Variants in MAD1L1 observed in about 807,000 individuals in gnomAD.
MAD1L1 encodes mitotic spindle assembly checkpoint protein MAD1.
Under a neutral mutation model 96.9 loss-of-function variants are expected in MAD1L1, and 95 were observed. The ratio of observed to expected loss-of-function variants is 0.98; its 90% CI spans 0.83 to 1.16. The LOEUF (loss-of-function observed/expected upper bound fraction) is 1.16. MAD1L1 is among the 50% of genes most tolerant of loss of function. MAD1L1 has a pLI of 0.00. For synonymous variants in MAD1L1, 473 were observed against 396.6 expected, an observed-to-expected ratio of 1.19 and a Z score of -2.29; for missense variants, 1,007 against 954.4, an observed-to-expected ratio of 1.06 and a Z score of -0.73.
At position 1,975,137 on chromosome 7, in the gene MAD1L1, T is replaced by A. The variant is rs116926684; in HGVS notation, c.1505+5316A>T. ...GGAGGCAGCTCACCAGCCTTCACCC[T>A]GTTGACCTGGCTGCCTCAGCCTGCT... On this transcript the variant is annotated intron_variant, in intron 15 of 18. Coordinates refer to ENST00000265854, the MANE Select transcript of MAD1L1 (RefSeq NM_001013836.2). 1.3e-4 allele frequency among the ~76,000 whole-genome samples: 20 copies of A among 152,318 alleles called. No individual in the cohort carries two copies. The East Asian group carries it at 3.7e-3, about 28-fold the overall frequency.
chr7:2,058,680 T>G (rs1240727305), intron 12 of MAD1L1, among the ~76,000 whole-genome samples: 40 of 41,228 alleles, frequency 9.7e-4, no homozygotes, highest in Admixed American at 2.6e-3. Context: ...GAGGAGAGGC[T>G]TGAGGCTGGA....
chr7:2,044,450 TG>T (rs999324726), intron 12 of MAD1L1, among the ~76,000 whole-genome samples: 1 of 152,022 alleles, frequency 6.6e-6, no homozygotes, highest in Non-Finnish European at 1.5e-5. Flanking sequence ...TGGAAGAAGG[TG>T]GGGACGCTGT....
At chr7:2,002,609 A>G (rs1338548758) in intron 13 of MAD1L1, among the ~76,000 whole-genome samples, 1 of 152,170 alleles carries the variant, frequency 6.6e-6, no homozygotes, top group Non-Finnish European at 1.5e-5. Flanking sequence ...GCCACCCCCA[A>G]GCAGGACCCC....
intron 11 of MAD1L1, among the ~76,000 whole-genome samples, chr7:2,069,784 C>A (rs1785040931): frequency 1.3e-5 from 2 of 152,256 alleles, no homozygotes; most frequent in African/African-American, 2.4e-5. Context: ...GCGCTAAGCA[C>A]TGGGAACCCG....
At chr7:1,926,353 A>G (rs1361179478) in intron 17 of MAD1L1, among the ~76,000 whole-genome samples, 2 of 152,240 alleles carry the variant, frequency 1.3e-5, no homozygotes, top group Non-Finnish European at 2.9e-5. Flanking sequence ...AATCTCCTCT[A>G]GGACATAAAA....
chr7:1,948,127 G>A (rs1398862594), intron 16 of MAD1L1, among the ~76,000 whole-genome samples: 1 of 152,170 alleles, frequency 6.6e-6, no homozygotes, highest in Non-Finnish European at 1.5e-5. Context: ...CTCATCTGGG[G>A]CACCTGCAGG....
intron 10 of MAD1L1, among the ~76,000 whole-genome samples, chr7:2,194,604 C>T (rs561547193): frequency 2.0e-5 from 3 of 152,244 alleles, no homozygotes; most frequent in African/African-American, 7.2e-5. Flanking sequence ...TTATGGCCCC[C>T]AAAGCTACAA....
chr7:2,027,278 C>T (rs1161256567), intron 12 of MAD1L1, among the ~76,000 whole-genome samples: 7 of 152,112 alleles, frequency 4.6e-5, no homozygotes, highest in African/African-American at 1.4e-4. Context: ...CTCCACCAAG[C>T]GGTTAAAGAA....
At chr7:1,885,028 C>G (rs2128666497) in intron 18 of MAD1L1, among the ~76,000 whole-genome samples, 1 of 152,344 alleles carries the variant, frequency 6.6e-6, no homozygotes, top group East Asian at 1.9e-4. Flanking sequence ...AAAACCCATA[C>G]ATGTGAATGG....
chr7:1,985,012 G>A (rs1396666599), intron 14 of MAD1L1, among the ~76,000 whole-genome samples: 1 of 152,196 alleles, frequency 6.6e-6, no homozygotes, highest in African/African-American at 2.4e-5. Context: ...TATCTCCTAT[G>A]TTGGGTGCCT....
At chr7:1,887,844 T>C in intron 18 of MAD1L1, among the ~76,000 whole-genome samples, 1 of 33,130 alleles carries the variant, frequency 3.0e-5, no homozygotes, top group Admixed American at 4.4e-4. Context: ...TGTGGCGTCC[T>C]GTGCGTGTGT....
At chr7:2,089,903 G>A (rs536143117) in intron 11 of MAD1L1, among the ~76,000 whole-genome samples, 1 of 152,354 alleles carries the variant, frequency 6.6e-6, no homozygotes, top group Admixed American at 6.5e-5. Context: ...AGAGTGGGCT[G>A]AAGGGCTGCT....
At chr7:1,821,783 G>A (rs954040448) in intron 18 of MAD1L1, among the ~76,000 whole-genome samples, 2 of 152,160 alleles carry the variant, frequency 1.3e-5, no homozygotes, top group African/African-American at 2.4e-5. Flanking sequence ...AAAGTCCTCC[G>A]ACTTGGTAAA....
At chr7:1,834,593 ATAACTC>A in intron 18 of MAD1L1, among the ~76,000 whole-genome samples, 1 of 152,274 alleles carries the variant, frequency 6.6e-6, no homozygotes, top group South Asian at 2.1e-4. Flanking sequence ...GACAATGTGA[ATAACTC>A]TATGTCTATC....
intron 15 of MAD1L1, among the ~76,000 whole-genome samples, chr7:1,973,510 T>C (rs908978311): frequency 6.7e-6 from 1 of 149,984 alleles, no homozygotes; most frequent in Admixed American, 6.6e-5. Context: ...GCCCCTACAG[T>C]GGGGAATGTG....
intron 18 of MAD1L1, among the ~76,000 whole-genome samples, chr7:1,820,219 A>C (rs1782052513): frequency 6.7e-6 from 1 of 149,942 alleles, no homozygotes; most frequent in African/African-American, 2.5e-5. Context: ...AAGGAAATAA[A>C]AAAGAGAACA....
At chr7:1,945,220 A>G (rs988819823) in intron 16 of MAD1L1, among the ~76,000 whole-genome samples, 1 of 152,048 alleles carries the variant, frequency 6.6e-6, no homozygotes, top group African/African-American at 2.4e-5. Context: ...CAGCCTAAAC[A>G]CTCATCTCAG....
intron 10 of MAD1L1, among the ~76,000 whole-genome samples, chr7:2,203,898 C>T (rs1291967322): frequency 6.6e-6 from 1 of 152,216 alleles, no homozygotes; most frequent in Non-Finnish European, 1.5e-5. Flanking sequence ...GGAACAGCCC[C>T]CCAGGAATAC....
At chr7:1,944,412 A>G (rs911964319) in intron 16 of MAD1L1, among the ~76,000 whole-genome samples, 10 of 151,986 alleles carry the variant, frequency 6.6e-5, no homozygotes, top group Non-Finnish European at 1.3e-4. Flanking sequence ...CCGGGTGGGG[A>G]GTGAGAAACA....
Sources: gnomAD v4.1 joint callset for allele counts (sites outside exome capture counted in the v4.1 genomes callset) on GRCh38, gnomAD v4.1.1 for gene constraint, MANE v1.5 for transcripts, NCBI Gene and HGNC (gene_info 2026-07-23, HGNC 2026-07-21) for gene names.